Variants in ADGRL3 observed in about 807,000 individuals in gnomAD.
ADGRL3 encodes the protein calcium-independent alpha-latrotoxin receptor 3.
Under a neutral mutation model 153.5 loss-of-function variants are expected in ADGRL3, and 62 were observed. That is an observed-to-expected ratio of 0.40 (90% CI 0.33 to 0.50). The LOEUF (loss-of-function observed/expected upper bound fraction) is 0.50. Ranked by LOEUF, ADGRL3 falls within the 20% of genes least tolerant of loss-of-function variation. The pLI, the probability that ADGRL3 is intolerant of heterozygous loss-of-function variation, is 0.47. For missense variants in ADGRL3, 1,641 were observed against 1,859.4 expected (o/e 0.88, Z 2.16); for synonymous variants, 710 against 672.5 (o/e 1.06, Z -0.86).
At chr4:61,859,753 A>T (rs1032646682) in intron 9 of ADGRL3, among the ~76,000 whole-genome samples, 4 of 152,210 alleles carry the variant, frequency 2.6e-5, no homozygotes, top group Non-Finnish European at 4.4e-5. Context: ...TGCGATAATG[A>T]TCTATTTCTG....
intron 13 of ADGRL3, among the ~76,000 whole-genome samples, chr4:61,919,274 A>G (rs1318047234): frequency 6.6e-6 from 1 of 152,192 alleles, no homozygotes; most frequent in Non-Finnish European, 1.5e-5. Context: ...CCAAACTTTC[A>G]TTTAATATAA....
At chr4:61,529,512 A>T (rs574734653) in intron 4 of ADGRL3, among the ~76,000 whole-genome samples, 77 of 152,218 alleles carry the variant, frequency 5.1e-4, no homozygotes, top group African/African-American at 1.7e-3. Context: ...TTATATAATC[A>T]CCTTGGTTAT....
At chr4:61,373,034 C>A (rs2096557634) in intron 1 of ADGRL3, among the ~76,000 whole-genome samples, 1 of 152,204 alleles carries the variant, frequency 6.6e-6, no homozygotes, top group South Asian at 2.1e-4. Context: ...GGAAAGGGAA[C>A]TCCCTGACCC....
At chr4:61,697,252 T>C (rs1223533879) in intron 6 of ADGRL3, among the ~76,000 whole-genome samples, 1 of 151,992 alleles carries the variant, frequency 6.6e-6, no homozygotes, top group Non-Finnish European at 1.5e-5. Flanking sequence ...AAGACAAATA[T>C]TTTTAAATAA....
chr4:61,418,098 G>C (rs2097164185), intron 2 of ADGRL3, among the ~76,000 whole-genome samples: 2 of 152,136 alleles, frequency 1.3e-5, no homozygotes, highest in Non-Finnish European at 2.9e-5. Flanking sequence ...GTGCCTGCCA[G>C]TTTCGGTGCT....
chr4:61,640,757 G>T (rs1488151387), intron 5 of ADGRL3, among the ~76,000 whole-genome samples: 1 of 152,252 alleles, frequency 6.6e-6, no homozygotes, highest in South Asian at 2.1e-4. Flanking sequence ...CTTACATATG[G>T]TAGTCAGCAG....
At chr4:61,724,462 G>A (rs1194616575) in intron 6 of ADGRL3, among the ~76,000 whole-genome samples, 1 of 152,132 alleles carries the variant, frequency 6.6e-6, no homozygotes, top group African/African-American at 2.4e-5. Context: ...GTTTAAATTA[G>A]AATATGGCTA....
At chr4:61,652,248 AT>A (rs1228636216) in intron 5 of ADGRL3, among the ~76,000 whole-genome samples, 8 of 152,168 alleles carry the variant, frequency 5.3e-5, no homozygotes, top group African/African-American at 1.9e-4. Context: ...AAGTTTTATA[AT>A]TAAAATAGGA....
chr4:61,417,287 A>G (rs2097154471), intron 2 of ADGRL3, among the ~76,000 whole-genome samples: 1 of 152,098 alleles, frequency 6.6e-6, no homozygotes, highest in African/African-American at 2.4e-5. Context: ...CAGGAGTTCA[A>G]GACCAGCCTG....
At chr4:61,676,679 T>C (rs1235053941) in intron 5 of ADGRL3, 147 bp from the exon 6 acceptor site, 4 of 620,272 alleles carry the variant, frequency 6.4e-6, no homozygotes, top group Non-Finnish European at 1.2e-5. Context: ...GTACTACAGA[T>C]ATTTTCTTAA....
intron 17 of ADGRL3, among the ~76,000 whole-genome samples, chr4:61,978,614 T>A (rs561079336): frequency 2.8e-4 from 43 of 152,266 alleles, no homozygotes; most frequent in African/African-American, 1.0e-3. Flanking sequence ...TCACAGAAGT[T>A]TTTTTAGTGT....
intron 4 of ADGRL3, among the ~76,000 whole-genome samples, chr4:61,554,601 G>A (rs902969899): frequency 2.0e-5 from 3 of 152,166 alleles, no homozygotes; most frequent in Non-Finnish European, 4.4e-5. Flanking sequence ...ATGTGACAGA[G>A]AGAGAGGGAG....
At chr4:61,354,180 G>A (rs902829673) in intron 1 of ADGRL3, among the ~76,000 whole-genome samples, 7 of 152,102 alleles carry the variant, frequency 4.6e-5, no homozygotes, top group African/African-American at 1.7e-4. Flanking sequence ...ATTTCATAGA[G>A]TAACAAACTG....
At position 61,242,263 on chromosome 4, in the gene ADGRL3, T is replaced by G. The variant is rs141064935; in HGVS notation, c.-240+40498T>G. Reference sequence around the variant, plus strand: ...ATGAGGTTGGAGATTGTGTCTATTATGTCACACTGTGGTACATTCGTTGCC... The same window carrying G: ...ATGAGGTTGGAGATTGTGTCTATTAGGTCACACTGTGGTACATTCGTTGCC... On this transcript the variant is annotated intron_variant, in intron 1 of 26. Coordinates refer to ENST00000683033, the MANE Select transcript of ADGRL3 (RefSeq NM_001387552.1). 2.6e-5 allele frequency among the ~76,000 whole-genome samples: 4 copies of G among 152,168 alleles called. No homozygotes were observed. In the East Asian group the frequency reaches 7.7e-4, roughly 29 times the overall value.
chr4:61,518,033 C>G (rs553975915), intron 4 of ADGRL3, among the ~76,000 whole-genome samples: 4 of 152,202 alleles, frequency 2.6e-5, no homozygotes, highest in Admixed American at 2.6e-4. Flanking sequence ...ATGAAAATGG[C>G]GGAACATTCT....
chr4:61,753,476 C>T (rs2096782510), intron 8 of ADGRL3, among the ~76,000 whole-genome samples: 2 of 152,098 alleles, frequency 1.3e-5, no homozygotes. Flanking sequence ...GTCTCAATGT[C>T]CAGGGCTTCT....
At chr4:61,791,488 C>T (rs879796839) in intron 8 of ADGRL3, among the ~76,000 whole-genome samples, 5 of 152,182 alleles carry the variant, frequency 3.3e-5, no homozygotes, top group Admixed American at 3.3e-4. Context: ...GGTATGGCCT[C>T]CCTCCTGGCT....
At chr4:61,905,830 G>A (rs866658937) in intron 11 of ADGRL3, among the ~76,000 whole-genome samples, 1 of 151,684 alleles carries the variant, frequency 6.6e-6, no homozygotes, top group African/African-American at 2.4e-5. Flanking sequence ...GGGAGACAGA[G>A]GTTGCAGTGA....
At chr4:61,694,868 C>T (rs2095611892) in intron 6 of ADGRL3, among the ~76,000 whole-genome samples, 1 of 152,296 alleles carries the variant, frequency 6.6e-6, no homozygotes, top group Admixed American at 6.5e-5. Flanking sequence ...GTCGTTTTAA[C>T]AATTTTCACA....
Sources: allele counts gnomAD v4.1 joint callset (sites outside exome capture counted in the v4.1 genomes callset), GRCh38; gene constraint gnomAD v4.1.1; transcripts MANE v1.5; gene names NCBI Gene and HGNC (gene_info 2026-07-23, HGNC 2026-07-21).